INA: variants seen among roughly 807,000 people sequenced by gnomAD.
INA encodes the protein alpha-internexin.
A neutral mutation model predicts 40.1 loss-of-function variants in INA; 35 were observed. That is an observed-to-expected ratio of 0.87 (90% confidence interval 0.67 to 1.16). The LOEUF is 1.16. Ranked by LOEUF, INA falls within the 50% of genes most tolerant of loss-of-function variation. The pLI is 0.00. For synonymous variants in INA, 290 were observed against 316.9 expected, an observed-to-expected ratio of 0.92 and a Z score of 0.90; for missense variants, 594 against 686.7, an observed-to-expected ratio of 0.87 and a Z score of 1.51.
In INA at chr10:103,290,210, C is replaced by T. The variant is rs569095436; in HGVS notation, c.*1541C>T. 12 of 152,754 alleles carry T rather than the reference C, an allele frequency of 7.9e-5. No homozygotes were observed. The highest frequency in any genetic ancestry group is 2.6e-4 in the African/African-American group (11 of 41,584). 9.5% of individuals were successfully genotyped at this position (152,754 alleles called of 1,614,324 possible). On this transcript the variant is annotated 3_prime_UTR_variant, in exon 3 of 3. Coordinates refer to ENST00000369849, the MANE Select transcript of INA (RefSeq NM_032727.4). Reference sequence around the variant, plus strand: ...TGATGCTTTTACTGAACTTTCTTATCCTAGCACATGCTTCAATAGTTCAAG... The same window carrying T: ...TGATGCTTTTACTGAACTTTCTTATTCTAGCACATGCTTCAATAGTTCAAG...
Position 103,277,466 on chromosome 10 carries a change from C to G in INA, c.255C>G (p.Asn85Lys). ...LDLSQAAART[N>K]EYKIIRTNEK... ...TGAGCCAGGCGGCGGCGCGCACCAACGAGTACAAGATCATCCGCACCAACG... is the reference window on the plus strand; with the variant it reads ...TGAGCCAGGCGGCGGCGCGCACCAAGGAGTACAAGATCATCCGCACCAACG... Residue 85 changes from asparagine to lysine, a missense_variant, in exon 1 of 3, where the codon AAC (asparagine) becomes AAG (lysine). Transcript: ENST00000369849. The surrounding 1 kb of genome is among the most constrained non-coding windows in gnomAD (Gnocchi z 5.6). 1.3e-6 allele frequency: 2 copies of G among 1,579,590 alleles called. No homozygotes were observed. The highest frequency in any genetic ancestry group is 2.3e-5 in the South Asian group (2 of 87,710).
intron 1 of INA, among the ~76,000 whole-genome samples, chr10:103,284,296 C>A (rs73340769): frequency 0.013 from 1,916 of 152,222 alleles, 34 homozygotes; most frequent in African/African-American, 0.042. Flanking sequence ...CTTGTTATCG[C>A]AACTGGGAGA....
chr10:103,280,055 C>G, intron 1 of INA: 1 of 1,270,688 alleles, frequency 7.9e-7, no homozygotes, highest in East Asian at 5.6e-5. Context: ...ATTTTCTCTG[C>G]TTGTTATAGC....
chr10:103,277,194 G>A lies in INA; in HGVS notation c.-18G>A, dbSNP rs1402202491. On this transcript the variant is annotated 5_prime_UTR_variant, in exon 1 of 3. Transcript: ENST00000369849. The surrounding 1 kb of genome is among the most constrained non-coding windows in gnomAD (Gnocchi z 5.6). ...TAGCTCGCGTTGAAGCCGCACGTCC[G>A]GCCCCGATCCCGGCACCATGAGCTT... is the stretch of plus-strand genomic sequence containing the variant. 1.9e-6 allele frequency: 3 copies of A among 1,563,814 alleles called. No individual in the cohort carries two copies. Among genetic ancestry groups the A allele is most frequent in the Non-Finnish European group, 2.6e-6 (3 of 1,160,326 alleles).
chr10:103,277,570 G>A lies in INA; in HGVS notation c.359G>A (p.Arg120His), dbSNP rs1020942921. The change falls in exon 1 of 3, where the codon CGC becomes CAC. Residue 120 changes from arginine (R) to histidine (H), a missense_variant. Transcript: ENST00000369849. The surrounding 1 kb of genome is among the most constrained non-coding windows in gnomAD (Gnocchi z 5.6). ...EKVHQLETQN[R>H]ALEAELAALR... Reference sequence around the variant, plus strand: ...GTGCATCAGCTGGAGACGCAGAACCGCGCGTTGGAGGCCGAGCTGGCCGCG... The same window carrying A: ...GTGCATCAGCTGGAGACGCAGAACCACGCGTTGGAGGCCGAGCTGGCCGCG... 8 of 1,572,804 alleles carry A rather than the reference G, an allele frequency of 5.1e-6. No homozygotes were observed. Among genetic ancestry groups the A allele is most frequent in the Non-Finnish European group, 6.9e-6 (8 of 1,165,356 alleles).
intron 1 of INA, chr10:103,280,868 C>T (rs900875037): frequency 1.7e-5 from 17 of 985,254 alleles, no homozygotes; most frequent in African/African-American, 5.2e-5. Flanking sequence ...ATAGCCACTT[C>T]GGCACCATTA....
rs895105127 is a variant in INA, at chr10:103,278,701, T to C, written c.1065+425T>C. On this transcript the variant is annotated intron_variant, in intron 1 of 2. Coordinates refer to ENST00000369849, the MANE Select transcript of INA (RefSeq NM_032727.4). This position sits in a 1 kb window ranked among gnomAD's most constrained non-coding sequence, Gnocchi z 4.9. ...AGCTTTCTGTGCGCCCTAGAAGTTA[T>C]TTATGGAGTATGGTCTGCTTCAGGG... 6.6e-6 allele frequency among the ~76,000 whole-genome samples: 1 copy of C among 152,142 alleles called. No homozygotes were observed.
At chr10:103,288,319 G>T in intron 2 of INA, 41 bp from the exon 3 acceptor site, 1 of 1,533,494 alleles carries the variant, frequency 6.5e-7, no homozygotes, top group Non-Finnish European at 8.8e-7. Flanking sequence ...GGGGGGAAAA[G>T]TTATTGACTT....
Position 103,288,402 on chromosome 10 carries a change from G to A in INA, c.1233G>A (p.Gly411=). The A allele has an allele frequency of 2.5e-6, 4 of 1,612,222 alleles. No homozygotes were observed. The highest frequency in any genetic ancestry group is 3.4e-6 in the Non-Finnish European group (4 of 1,179,572). Reference sequence around the variant, plus strand: ...AGGAGACACGTTTTAGCACCAGTGGGTTAAGCATTTCGGGGCTGAATCCAC... The same window carrying A: ...AGGAGACACGTTTTAGCACCAGTGGATTAAGCATTTCGGGGCTGAATCCAC... ...EGEETRFSTS[G]LSISGLNPLP... Residue 411 remains glycine, a synonymous_variant, in exon 3 of 3, where the codon GGG becomes GGA. Coordinates refer to ENST00000369849, the MANE Select transcript of INA (RefSeq NM_032727.4).
chr10:103,287,270 G>A (rs1335481267), intron 2 of INA, 111 bp downstream of exon 2: 4 of 1,173,024 alleles, frequency 3.4e-6, no homozygotes, highest in East Asian at 4.9e-5. Flanking sequence ...AGGGAAGAAG[G>A]GCATCACTGG....
chr10:103,287,089 C>T lies in INA; in HGVS notation c.1120C>T (p.Arg374Cys), dbSNP rs374804947. 5.8e-5 allele frequency: 94 copies of T among 1,613,848 alleles called. No individual in the cohort carries two copies. Among genetic ancestry groups the T allele is most frequent in the Non-Finnish European group, 7.4e-5 (87 of 1,179,840 alleles). Residue 374 changes from arginine to cysteine, a missense_variant, in exon 2 of 3, where the codon CGC becomes TGC. This residue lies in a region of INA where 379 missense variants were observed against 496.1 expected (regional missense o/e 0.76). Transcript: ENST00000369849. The stretch of plus-strand genomic sequence containing the variant: ...GAGGAACACCAAGAGTGAGATGGCA[C>T]GCCACCTTCGGGAATACCAGGACTT... ...DLRNTKSEMA[R>C]HLREYQDLLN...
rs377090897 is a variant in INA at position 103,278,258 on chromosome 10, C to G, written c.1047C>G (p.Ala349=). 675 of 1,562,856 alleles carry G rather than the reference C, an allele frequency of 4.3e-4. No individual in the cohort carries two copies. Among genetic ancestry groups the G allele is most frequent in the Non-Finnish European group, 5.4e-4 (622 of 1,154,158 alleles). Residue 349 remains alanine, a synonymous_variant, in exon 1 of 3, where the codon GCC becomes GCG. Transcript: ENST00000369849. The surrounding 1 kb of genome is among the most constrained non-coding windows in gnomAD (Gnocchi z 4.9). ...TGGAGCTGGAGGAGCGGCACAGTGC[C>G]GAGGTAGCTGGCTACCAGGTAAGGG... ...QILELEERHS[A]EVAGYQDSIG...
In INA at chr10:103,281,786, T is replaced by C. The variant is rs192261998; in HGVS notation, c.1065+3510T>C. ...TTCTTCACCACTGCAGATGTTAGTGTGGCCATTCATTTCTCTTACTCCACC... is the reference window on the plus strand; with the variant it reads ...TTCTTCACCACTGCAGATGTTAGTGCGGCCATTCATTTCTCTTACTCCACC... On this transcript the variant is annotated intron_variant, in intron 1 of 2. Coordinates refer to ENST00000369849, the MANE Select transcript of INA (RefSeq NM_032727.4). 3.8e-4 allele frequency among the ~76,000 whole-genome samples: 58 copies of C among 152,338 alleles called. 2 individuals are homozygous for C. In the East Asian group the frequency reaches 0.011, roughly 28 times the overall value.
chr10:103,288,004 G>A (rs1490704994), intron 2 of INA, among the ~76,000 whole-genome samples: 3 of 152,264 alleles, frequency 2.0e-5, no homozygotes, highest in East Asian at 3.9e-4. Flanking sequence ...CAGCTAAGGT[G>A]TTACTTAGGA....
chr10:103,281,453 G>A (rs1241737035), intron 1 of INA, among the ~76,000 whole-genome samples: 1 of 152,170 alleles, frequency 6.6e-6, no homozygotes, highest in Non-Finnish European at 1.5e-5. Flanking sequence ...CATCCTGTTG[G>A]TCCTCAGACT....
In INA at chr10:103,281,048, C is replaced by T. The variant is rs138890423; in HGVS notation, c.1065+2772C>T. The T allele has an allele frequency of 9.1e-5, 41 of 452,332 alleles. 1 individual carries two copies. The highest frequency in any genetic ancestry group is 8.3e-4 in the African/African-American group (39 of 47,044). The allele number at this position is 452,332 out of a possible 1,614,324, so 28.0% of individuals were successfully genotyped here. On this transcript the variant is annotated intron_variant, in intron 1 of 2. Coordinates refer to ENST00000369849, the MANE Select transcript of INA (RefSeq NM_032727.4). ...TCCAGGGAGACAAGCCAAGTCTTCT[C>T]TTTTTTCTCCATTATGAGATTGGAG...
chr10:103,279,868 A>C, intron 1 of INA: 3 of 1,099,066 alleles, frequency 2.7e-6, no homozygotes, highest in Non-Finnish European at 3.6e-6. Flanking sequence ...TGAACTTTTC[A>C]TTATGTACCC....
intron 1 of INA, among the ~76,000 whole-genome samples, chr10:103,279,359 T>C (rs2093067924): frequency 6.6e-6 from 1 of 152,188 alleles, no homozygotes; most frequent in Non-Finnish European, 1.5e-5. Flanking sequence ...TTTCCATATT[T>C]CCCTGTCCTC....
Position 103,288,564 on chromosome 10 carries a change from G to C in INA, c.1395G>C (p.Gln465His). ...AGGTAGCCTCTAAGAAAACCTCCCAGATAGGGGAAAGTTTTGAAGAAATAT... is the reference window on the plus strand; with the variant it reads ...AGGTAGCCTCTAAGAAAACCTCCCACATAGGGGAAAGTTTTGAAGAAATAT... ...ASKVASKKTS[Q>H]IGESFEEILE... Residue 465 changes from glutamine to histidine, a missense_variant, in exon 3 of 3, where the codon CAG becomes CAC. Physicochemically the swap from Gln to His is conservative, Grantham distance 24. This residue lies in a region of INA where 379 missense variants were observed against 496.1 expected (regional missense o/e 0.76). Transcript: ENST00000369849. The C allele has an allele frequency of 1.2e-6, 2 of 1,613,700 alleles. No homozygotes were observed. The highest frequency in any genetic ancestry group is 1.7e-6 in the Non-Finnish European group (2 of 1,179,742).
Sources: gnomAD v4.1 joint callset for allele counts (sites outside exome capture counted in the v4.1 genomes callset) on GRCh38, gnomAD v4.1.1 for gene constraint, gnomAD v4.1.1 regional missense constraint, Gnocchi (gnomAD v3.1) non-coding constraint, MANE v1.5 for transcripts, NCBI Gene and HGNC (gene_info 2026-07-23, HGNC 2026-07-21) for gene names.